EYA4: variants seen among roughly 807,000 people sequenced by gnomAD.
The protein encoded by EYA4 is EYA transcriptional coactivator and phosphatase 4.
Under a neutral mutation model 87.9 loss-of-function variants are expected in EYA4, and 31 were observed. The observed-to-expected ratio is 0.35, with a 90% CI of 0.27 to 0.48. The LOEUF is 0.48. Among genes scored for constraint, EYA4 ranks in the 20% least tolerant of loss-of-function variants. The pLI is 0.99. For synonymous variants in EYA4, 263 were observed against 270.6 expected, an observed-to-expected ratio of 0.97 and a Z score of 0.28; for missense variants, 678 against 761.4, an observed-to-expected ratio of 0.89 and a Z score of 1.29.
chr6:133,402,633 A>G (rs1788360872), intron 3 of EYA4, among the ~76,000 whole-genome samples: 3 of 152,034 alleles, frequency 2.0e-5, no homozygotes. Flanking sequence ...CACTGTGGGA[A>G]TTTTTGTCTG....
intron 11 of EYA4, among the ~76,000 whole-genome samples, chr6:133,478,203 C>T (rs1014466350): frequency 6.6e-6 from 1 of 151,964 alleles, no homozygotes; most frequent in Non-Finnish European, 1.5e-5. Context: ...TTAGCATGGT[C>T]GTTAATACAC....
At chr6:133,379,365 G>A (rs1785978016) in intron 2 of EYA4, among the ~76,000 whole-genome samples, 1 of 152,062 alleles carries the variant, frequency 6.6e-6, no homozygotes, top group Non-Finnish European at 1.5e-5. Flanking sequence ...GGAAGAGTGT[G>A]TTCAAATTAG....
chr6:133,497,821 C>T (rs568102638), intron 13 of EYA4, among the ~76,000 whole-genome samples: 1 of 152,074 alleles, frequency 6.6e-6, no homozygotes, highest in African/African-American at 2.4e-5. Flanking sequence ...AAAGTTATTC[C>T]ACAGTAAGGA....
Position 133,473,088 on chromosome 6 carries a change from A to T in EYA4, c.970+4357A>T, listed in dbSNP as rs930960807. Among the ~76,000 whole-genome samples the T allele has an allele frequency of 9.2e-5, 14 of 152,216 alleles. No individual in the cohort carries two copies. The South Asian group carries it at 2.7e-3, about 29-fold the overall frequency. ...AGAAAAATTAGGTTAAGAAATTTTT[A>T]AAATATCATTAATTTGTTCAAGTAT... On this transcript the variant is annotated intron_variant, in intron 11 of 19. Coordinates refer to ENST00000355286, the MANE Select transcript of EYA4 (RefSeq NM_004100.5).
chr6:133,383,332 T>C (rs1039215300), intron 3 of EYA4, among the ~76,000 whole-genome samples: 2 of 152,122 alleles, frequency 1.3e-5, no homozygotes, highest in African/African-American at 4.8e-5. Flanking sequence ...CTGGCCAATA[T>C]GGTGAAACCC....
intron 13 of EYA4, among the ~76,000 whole-genome samples, chr6:133,494,401 T>C (rs546761460): frequency 6.6e-6 from 1 of 152,018 alleles, no homozygotes; most frequent in African/African-American, 2.4e-5. Flanking sequence ...TTACTAGAGG[T>C]TGGGAAGGGT....
At chr6:133,498,719 T>C (rs910411487) in intron 13 of EYA4, among the ~76,000 whole-genome samples, 1 of 152,186 alleles carries the variant, frequency 6.6e-6, no homozygotes, top group African/African-American at 2.4e-5. Flanking sequence ...TGCATGTGTA[T>C]GTATATAGTG....
chr6:133,481,876 C>T (rs1367789569), intron 12 of EYA4, among the ~76,000 whole-genome samples: 5 of 152,052 alleles, frequency 3.3e-5, no homozygotes, highest in Non-Finnish European at 7.4e-5. Flanking sequence ...TTGGCACCGA[C>T]AAATTTTAAA....
intron 1 of EYA4, among the ~76,000 whole-genome samples, chr6:133,267,543 C>T (rs1045813210): frequency 3.9e-5 from 6 of 151,976 alleles, no homozygotes; most frequent in Admixed American, 6.6e-5. Context: ...CCACCATGCC[C>T]GGCTAATTTT....
intron 3 of EYA4, among the ~76,000 whole-genome samples, chr6:133,441,985 GA>G (rs138563614): frequency 0.022 from 3,373 of 151,784 alleles, 116 homozygotes; most frequent in African/African-American, 0.078. Flanking sequence ...ATATATGACA[GA>G]TGTATATATG....
At chr6:133,470,055 A>T (rs1454021122) in intron 11 of EYA4, among the ~76,000 whole-genome samples, 1 of 150,512 alleles carries the variant, frequency 6.6e-6, no homozygotes, top group Non-Finnish European at 1.5e-5. Context: ...GTTCACTCTG[A>T]TGGTAGTTTC....
At chr6:133,428,911 CTTTTTTTTT>C (rs58727159) in intron 3 of EYA4, among the ~76,000 whole-genome samples, 26 of 48,230 alleles carry the variant, frequency 5.4e-4, no homozygotes, top group South Asian at 1.5e-3. Context: ...GATTTAGCTT[CTTTTTTTTT>C]TTTTTTTTTT....
intron 1 of EYA4, among the ~76,000 whole-genome samples, chr6:133,246,248 G>C (rs569728803): frequency 1.5e-4 from 23 of 152,176 alleles, no homozygotes; most frequent in African/African-American, 5.3e-4. Flanking sequence ...CTTACCCTGA[G>C]ATTTCAGTGC....
chr6:133,352,771 T>C (rs1216317523), intron 2 of EYA4, among the ~76,000 whole-genome samples: 1 of 152,080 alleles, frequency 6.6e-6, no homozygotes, highest in Non-Finnish European at 1.5e-5. Flanking sequence ...GAAAGGAGAA[T>C]GACAGAAACA....
intron 13 of EYA4, among the ~76,000 whole-genome samples, chr6:133,500,384 GC>G (rs1233949510): frequency 1.3e-5 from 2 of 151,842 alleles, no homozygotes; most frequent in Non-Finnish European, 2.9e-5. Context: ...TTTCCATAAC[GC>G]CTCTCTATCC....
chr6:133,491,946 C>T (rs1416779686), intron 13 of EYA4, among the ~76,000 whole-genome samples: 5 of 88,390 alleles, frequency 5.7e-5, no homozygotes, highest in South Asian at 2.9e-4. Context: ...AGTGAAACTC[C>T]GTCTCAAAAA....
chr6:133,418,961 C>A (rs1377825486), intron 3 of EYA4, among the ~76,000 whole-genome samples: 2 of 152,106 alleles, frequency 1.3e-5, no homozygotes, highest in Non-Finnish European at 2.9e-5. Context: ...CTGTTCTCTC[C>A]CTCTAGTTTC....
intron 2 of EYA4, among the ~76,000 whole-genome samples, chr6:133,296,002 A>C (rs1562260012): frequency 6.6e-6 from 1 of 152,206 alleles, no homozygotes; most frequent in African/African-American, 2.4e-5. Flanking sequence ...TGATGGTACA[A>C]GAGGTATTTG....
intron 3 of EYA4, among the ~76,000 whole-genome samples, chr6:133,408,889 G>A (rs1008082313): frequency 2.6e-5 from 4 of 152,150 alleles, no homozygotes; most frequent in African/African-American, 9.7e-5. Flanking sequence ...GGCTCATGGA[G>A]GTGTGTGGTC....
Sources: allele counts gnomAD v4.1 joint callset (sites outside exome capture counted in the v4.1 genomes callset), GRCh38; gene constraint gnomAD v4.1.1; transcripts MANE v1.5; gene names NCBI Gene and HGNC (gene_info 2026-07-23, HGNC 2026-07-21).